Variants in PRDM5 observed in about 807,000 individuals in gnomAD.
PRDM5 encodes PR domain zinc finger protein 5.
Under a neutral mutation model 81.2 loss-of-function variants are expected in PRDM5, and 56 were observed. That is an observed-to-expected ratio of 0.69 (90% CI 0.56 to 0.86). The LOEUF (loss-of-function observed/expected upper bound fraction) is 0.86, where lower values mean the gene tolerates loss of function less well. Ranked by LOEUF, PRDM5 falls within the 40% of genes least tolerant of loss-of-function variation. The pLI is 0.00. For missense variants in PRDM5, 697 were observed against 770.1 expected (o/e 0.91, Z 1.12); for synonymous variants, 267 against 256.4 (o/e 1.04, Z -0.39).
chr4:120,905,348 A>T (rs1003086805), intron 2 of PRDM5, among the ~76,000 whole-genome samples: 1 of 152,208 alleles, frequency 6.6e-6, no homozygotes, highest in Non-Finnish European at 1.5e-5. Flanking sequence ...GATAGGCTAT[A>T]GTACCCAATT....
At chr4:120,798,024 C>T (rs1326004057) in intron 10 of PRDM5, among the ~76,000 whole-genome samples, 4 of 151,946 alleles carry the variant, frequency 2.6e-5, no homozygotes, top group Non-Finnish European at 4.4e-5. Flanking sequence ...TTAGTAAACC[C>T]CATAAAATTA....
chr4:120,788,889 G>A (rs1356457017), intron 10 of PRDM5, among the ~76,000 whole-genome samples: 1 of 152,218 alleles, frequency 6.6e-6, no homozygotes, highest in Non-Finnish European at 1.5e-5. Flanking sequence ...ACATTGAGAA[G>A]CCACCTAATT....
intron 3 of PRDM5, among the ~76,000 whole-genome samples, chr4:120,827,432 A>G (rs1756149714): frequency 6.6e-6 from 1 of 152,110 alleles, no homozygotes; most frequent in Non-Finnish European, 1.5e-5. Context: ...GCCATTACAG[A>G]GCATTCTCTA....
intron 13 of PRDM5, among the ~76,000 whole-genome samples, chr4:120,765,896 A>G (rs932418834): frequency 1.5e-4 from 23 of 152,138 alleles, no homozygotes; most frequent in Non-Finnish European, 2.9e-4. Context: ...GGCACTGTGC[A>G]AAGTTATTTA....
At chr4:120,889,263 C>A (rs550462951) in intron 2 of PRDM5, among the ~76,000 whole-genome samples, 3 of 152,032 alleles carry the variant, frequency 2.0e-5, no homozygotes, top group Admixed American at 1.3e-4. Context: ...AATTAGGGGT[C>A]AAAATACTAT....
intron 3 of PRDM5, among the ~76,000 whole-genome samples, chr4:120,835,260 G>A (rs115883672): frequency 0.018 from 2,754 of 152,200 alleles, 31 homozygotes; most frequent in Middle Eastern, 0.031. Context: ...TGAATGTGAC[G>A]ACAAAGAGCA....
At chr4:120,757,998 C>T (rs1448492186) in intron 13 of PRDM5, among the ~76,000 whole-genome samples, 2 of 151,984 alleles carry the variant, frequency 1.3e-5, no homozygotes, top group Admixed American at 6.6e-5. Flanking sequence ...GTTCTCTGGC[C>T]TTCATACTCC....
At chr4:120,747,607 A>G (rs13124952) in intron 14 of PRDM5, among the ~76,000 whole-genome samples, 4,280 of 152,260 alleles carry the variant, frequency 0.028, 70 homozygotes, top group Middle Eastern at 0.037. Flanking sequence ...GTCTCACTGC[A>G]TGGTGTCAAG....
intron 3 of PRDM5, among the ~76,000 whole-genome samples, chr4:120,842,743 TC>T (rs1470653138): frequency 6.6e-6 from 1 of 152,118 alleles, no homozygotes; most frequent in Non-Finnish European, 1.5e-5. Flanking sequence ...TTTGCCACTT[TC>T]CCCCCATGAC....
intron 3 of PRDM5, among the ~76,000 whole-genome samples, chr4:120,842,045 T>C (rs1758095874): frequency 1.3e-5 from 2 of 152,356 alleles, no homozygotes; most frequent in East Asian, 1.9e-4. Flanking sequence ...TATTTCATTA[T>C]TCTATATCCT....
At chr4:120,771,149 A>AT (rs1297200274) in intron 13 of PRDM5, among the ~76,000 whole-genome samples, 2 of 152,058 alleles carry the variant, frequency 1.3e-5, no homozygotes, top group Admixed American at 6.6e-5. Context: ...ATCTTTTCCA[A>AT]TTTTTTGCCA....
intron 15 of PRDM5, 26 bp downstream of exon 15, chr4:120,710,283 T>A (rs777423286): frequency 6.3e-6 from 10 of 1,590,194 alleles, no homozygotes; most frequent in Non-Finnish European, 2.6e-6. Flanking sequence ...TGGAAGACAC[T>A]ATGGGGGAAA....
intron 11 of PRDM5, among the ~76,000 whole-genome samples, chr4:120,782,287 T>C (rs538395174): frequency 6.6e-6 from 1 of 152,288 alleles, no homozygotes; most frequent in Admixed American, 6.5e-5. Context: ...TCCCATATCA[T>C]ATTGATAACA....
chr4:120,867,023 C>T (rs1297931891), intron 2 of PRDM5, among the ~76,000 whole-genome samples: 1 of 152,052 alleles, frequency 6.6e-6, no homozygotes, highest in Non-Finnish European at 1.5e-5. Flanking sequence ...CTGAGAGGGG[C>T]CATTCGCAGA....
chr4:120,782,764 C>T (rs941235774), intron 11 of PRDM5, among the ~76,000 whole-genome samples: 3 of 152,030 alleles, frequency 2.0e-5, no homozygotes, highest in African/African-American at 7.2e-5. Context: ...TGATAAAAGA[C>T]TGTAAACATT....
intron 13 of PRDM5, among the ~76,000 whole-genome samples, chr4:120,755,569 T>C (rs1466190426): frequency 1.3e-5 from 2 of 152,180 alleles, no homozygotes; most frequent in African/African-American, 2.4e-5. Context: ...TCTCTCATGT[T>C]CCATTTGGTT....
At chr4:120,704,656 C>A (rs1331205611) in intron 15 of PRDM5, among the ~76,000 whole-genome samples, 1 of 152,266 alleles carries the variant, frequency 6.6e-6, no homozygotes, top group East Asian at 1.9e-4. Context: ...TTGTGGAGTC[C>A]ACGTTCTAAG....
At chr4:120,765,910 C>G (rs1312221517) in intron 13 of PRDM5, among the ~76,000 whole-genome samples, 2 of 151,322 alleles carry the variant, frequency 1.3e-5, no homozygotes, top group Non-Finnish European at 2.9e-5. Context: ...TTATTTATAT[C>G]TTCATTTGTT....
chr4:120,817,021 G>C, intron 5 of PRDM5, 97 bp from the exon 6 acceptor site: 1 of 1,037,086 alleles, frequency 9.6e-7, no homozygotes, highest in Non-Finnish European at 1.5e-6. Context: ...AGTCATGTTC[G>C]TGATCCCTTT....
Sources: allele counts gnomAD v4.1 joint callset (sites outside exome capture counted in the v4.1 genomes callset), GRCh38; gene constraint gnomAD v4.1.1; transcripts MANE v1.5; gene names NCBI Gene and HGNC (gene_info 2026-07-23, HGNC 2026-07-21).